MGAT4A: variants seen among roughly 807,000 people sequenced by gnomAD.
The protein encoded by MGAT4A is N-acetylglucosaminyltransferase IVa.
In MGAT4A, 33 loss-of-function variants were observed where a neutral mutation model predicts 74.1. The observed-to-expected ratio is 0.45, with a 90% CI of 0.34 to 0.60. MGAT4A has a LOEUF of 0.60. MGAT4A is among the 20% of genes least tolerant of loss of function. The probability of loss-of-function intolerance (pLI) is 0.02; values close to 1 mark genes in which losing one functional copy is unlikely to be tolerated. For synonymous variants in MGAT4A, 198 were observed against 210.4 expected, an observed-to-expected ratio of 0.94 and a Z score of 0.51; for missense variants, 479 against 628.3, an observed-to-expected ratio of 0.76 and a Z score of 2.54.
Position 98,623,226 on chromosome 2 carries a change from G to C in MGAT4A, c.*2340C>G. 1.0e-6 allele frequency: 1 copy of C among 985,390 alleles called. No individual in the cohort carries two copies. The highest frequency in any genetic ancestry group is 1.2e-6 in the Non-Finnish European group (1 of 829,934). The allele number at this position is 985,390 out of a possible 1,614,324, so 61.0% of individuals were successfully genotyped here. A position where few individuals can be genotyped will look rare whatever the true frequency, so the allele number is the denominator to read the frequency against. ...TTGGGAACAAGAATGAGTTTCTTGG[G>C]AACAACAGGTGGACCAATGCTGGGA... On this transcript the variant is annotated 3_prime_UTR_variant, in exon 16 of 16. Transcript: ENST00000393487.
In MGAT4A at chr2:98,652,814, G is replaced by A. The variant is rs187905516; in HGVS notation, c.774+2631C>T. Among the ~76,000 whole-genome samples the A allele has an allele frequency of 1.0e-3, 154 of 151,306 alleles. 1 individual carries two copies. The highest frequency in any genetic ancestry group is 3.4e-3 in the African/African-American group (142 of 41,166). The stretch of plus-strand genomic sequence containing the variant: ...GTATTTTTATTAGAGACAGGATTTC[G>A]TCATGTTGCCCAGACTGGTCTTGAA... On this transcript the variant is annotated intron_variant, in intron 8 of 15. Transcript: ENST00000393487.
rs1156984147 is a variant in MGAT4A at position 98,625,713 on chromosome 2, ATATGC to A, written c.1581+5_1581+9del. 6.3e-7 allele frequency: 1 copy of A among 1,599,538 alleles called. No individual in the cohort carries two copies. The highest frequency in any genetic ancestry group is 8.6e-7 in the Non-Finnish European group (1 of 1,169,408). ...TTCTAAGTTGTTTCACTGATTTGAT[ATATGC>A]TTACCTCATTAAGAATGGCCCAAAC... On this transcript the variant is annotated splice_donor_5th_base_variant and intron_variant, in intron 15 of 15. Coordinates refer to ENST00000393487, the MANE Select transcript of MGAT4A (RefSeq NM_012214.3).
intron 2 of MGAT4A, among the ~76,000 whole-genome samples, chr2:98,687,007 A>C (rs1288792944): frequency 2.0e-5 from 3 of 152,212 alleles, no homozygotes; most frequent in Admixed American, 1.3e-4. Flanking sequence ...AATATTAACA[A>C]TGATTGTATT....
chr2:98,685,915 T>C (rs1013224994), intron 2 of MGAT4A, among the ~76,000 whole-genome samples: 1 of 152,142 alleles, frequency 6.6e-6, no homozygotes, highest in Non-Finnish European at 1.5e-5. Context: ...TCGGGGTAGT[T>C]CTAGACTCGA....
chr2:98,660,021 A>G (rs1190773043), intron 5 of MGAT4A, among the ~76,000 whole-genome samples: 1 of 152,190 alleles, frequency 6.6e-6, no homozygotes, highest in Non-Finnish European at 1.5e-5. Context: ...TCAAATTATA[A>G]AAAGTTTTTA....
intron 5 of MGAT4A, among the ~76,000 whole-genome samples, chr2:98,661,686 G>A (rs1047716293): frequency 1.3e-5 from 2 of 152,112 alleles, no homozygotes; most frequent in African/African-American, 4.8e-5. Context: ...TTAATAGCAT[G>A]TTGATGCTAT....
intron 2 of MGAT4A, among the ~76,000 whole-genome samples, chr2:98,720,131 A>G (rs1413314378): frequency 6.6e-6 from 1 of 152,226 alleles, no homozygotes. Context: ...AGTACAATAG[A>G]AGTAAAAATT....
rs77045575 is a variant in MGAT4A, at chr2:98,711,397, G to C, written c.94+14842C>G. ...ATCACATTTGACACGAATGGTCCCA[G>C]AAGACACTCACTTTTTTATTTTCCA... is the stretch of plus-strand genomic sequence containing the variant. On this transcript the variant is annotated intron_variant, in intron 2 of 15. Coordinates refer to ENST00000393487, the MANE Select transcript of MGAT4A (RefSeq NM_012214.3). Among the ~76,000 whole-genome samples the C allele has an allele frequency of 4.2e-3, 633 of 152,004 alleles. 5 individuals carry two copies. Among genetic ancestry groups the C allele is most frequent in the African/African-American group, 0.014 (601 of 41,460 alleles).
intron 10 of MGAT4A, among the ~76,000 whole-genome samples, chr2:98,640,623 AAAC>A (rs1472232356): frequency 4.6e-5 from 7 of 152,138 alleles, no homozygotes; most frequent in Non-Finnish European, 1.0e-4. Context: ...CAAACAAACA[AAAC>A]AACAACAACA....
chr2:98,628,512 C>A (rs1306633852), intron 14 of MGAT4A, among the ~76,000 whole-genome samples: 1 of 152,196 alleles, frequency 6.6e-6, no homozygotes, highest in African/African-American at 2.4e-5. Flanking sequence ...ACTTTGGGAA[C>A]AGCCTCATTT....
chr2:98,629,991 A>G (rs978204579), intron 14 of MGAT4A, among the ~76,000 whole-genome samples: 1 of 152,230 alleles, frequency 6.6e-6, no homozygotes, highest in Non-Finnish European at 1.5e-5. Context: ...GGATGCAGTG[A>G]GTCAAGATTG....
At chr2:98,672,889 T>C (rs1701930237) in intron 4 of MGAT4A, among the ~76,000 whole-genome samples, 1 of 152,218 alleles carries the variant, frequency 6.6e-6, no homozygotes, top group Non-Finnish European at 1.5e-5. Flanking sequence ...TCCTCCCTCA[T>C]TTCTAAAAAT....
At chr2:98,717,007 C>T (rs1250401246) in intron 2 of MGAT4A, among the ~76,000 whole-genome samples, 2 of 152,124 alleles carry the variant, frequency 1.3e-5, no homozygotes, top group African/African-American at 2.4e-5. Context: ...AGAGGGCCGA[C>T]GGTGCCTCAA....
chr2:98,656,099 A>G (rs1426630763), intron 7 of MGAT4A: 1 of 397,562 alleles, frequency 2.5e-6, no homozygotes, highest in Admixed American at 4.5e-5. Flanking sequence ...CTGGTAGCCT[A>G]CAGAAACACA....
At chr2:98,698,245 T>C (rs1702303324) in intron 2 of MGAT4A, among the ~76,000 whole-genome samples, 1 of 151,938 alleles carries the variant, frequency 6.6e-6, no homozygotes. Flanking sequence ...TGAAAACCCG[T>C]CTCTACTAAA....
chr2:98,700,424 T>C (rs1433470841), intron 2 of MGAT4A, among the ~76,000 whole-genome samples: 1 of 149,904 alleles, frequency 6.7e-6, no homozygotes, highest in African/African-American at 2.5e-5. Context: ...TATTGCATTA[T>C]CTGTCTATCT....
At chr2:98,634,428 A>G (rs1301998745) in intron 14 of MGAT4A, among the ~76,000 whole-genome samples, 2 of 152,074 alleles carry the variant, frequency 1.3e-5, no homozygotes, top group Non-Finnish European at 2.9e-5. Flanking sequence ...CAACAGTCTC[A>G]GGGCTGGAGA....
rs188623435 is a variant in MGAT4A at position 98,666,762 on chromosome 2, G to A, written c.404-3583C>T. On this transcript the variant is annotated intron_variant, in intron 4 of 15. Transcript: ENST00000393487. Reference sequence around the variant, plus strand: ...TTCCTAGAAAATGCTAACTCATGGAGTACAAAGACTTCACTATGATGAAAG... The same window carrying A: ...TTCCTAGAAAATGCTAACTCATGGAATACAAAGACTTCACTATGATGAAAG... 2.1e-3 allele frequency among the ~76,000 whole-genome samples: 324 copies of A among 152,216 alleles called. 4 individuals carry two copies. Among genetic ancestry groups the A allele is most frequent in the Non-Finnish European group, 1.2e-3 (79 of 68,034 alleles).
At chr2:98,639,701 A>T in intron 12 of MGAT4A, 107 bp downstream of exon 12, 1 of 966,304 alleles carries the variant, frequency 1.0e-6, no homozygotes, top group Non-Finnish European at 1.5e-6. Context: ...TTTGGGCCCC[A>T]CTGTGTCCCC....
Sources: gnomAD v4.1 joint callset for allele counts (sites outside exome capture counted in the v4.1 genomes callset) on GRCh38, gnomAD v4.1.1 for gene constraint, MANE v1.5 for transcripts, NCBI Gene and HGNC (gene_info 2026-07-23, HGNC 2026-07-21) for gene names.